Variants in TMEM132D observed in about 807,000 individuals in gnomAD.
TMEM132D encodes mature OL transmembrane protein.
A neutral mutation model predicts 62.3 loss-of-function variants in TMEM132D; 21 were observed. The ratio of observed to expected loss-of-function variants is 0.34; its 90% CI spans 0.24 to 0.49. The LOEUF (loss-of-function observed/expected upper bound fraction) is 0.49, where lower values mean the gene tolerates loss of function less well. Ranked by LOEUF, TMEM132D falls within the 20% of genes least tolerant of loss-of-function variation. The pLI, the probability that TMEM132D is intolerant of heterozygous loss-of-function variation, is 0.99. For missense variants in TMEM132D, 1,346 were observed against 1,402.8 expected (o/e 0.96, Z 0.65); for synonymous variants, 621 against 575.6 (o/e 1.08, Z -1.13).
At chr12:129,315,277 A>C (rs977631212) in intron 4 of TMEM132D, among the ~76,000 whole-genome samples, 3 of 152,002 alleles carry the variant, frequency 2.0e-5, no homozygotes, top group Non-Finnish European at 4.4e-5. Context: ...GTTGGCTGTG[A>C]GTTTGTCATA....
intron 2 of TMEM132D, among the ~76,000 whole-genome samples, chr12:129,623,023 T>C (rs1879115275): frequency 6.6e-6 from 1 of 151,690 alleles, no homozygotes; most frequent in Non-Finnish European, 1.5e-5. Flanking sequence ...GAATAACACA[T>C]AGAGGAAATC....
intron 3 of TMEM132D, among the ~76,000 whole-genome samples, chr12:129,478,379 A>G (rs1333218959): frequency 6.6e-6 from 1 of 152,244 alleles, no homozygotes; most frequent in African/African-American, 2.4e-5. Flanking sequence ...ACTGGGTGAT[A>G]GGAATGTTTT....
chr12:129,563,607 G>C (rs1253325837), intron 2 of TMEM132D, among the ~76,000 whole-genome samples: 1 of 152,036 alleles, frequency 6.6e-6, no homozygotes, highest in African/African-American at 2.4e-5. Flanking sequence ...GTGCATAAAG[G>C]CTCCCTCCAT....
chr12:129,416,694 A>T (rs916395072), intron 3 of TMEM132D, among the ~76,000 whole-genome samples: 1 of 152,068 alleles, frequency 6.6e-6, no homozygotes, highest in Non-Finnish European at 1.5e-5. Flanking sequence ...TGGGTTTTTC[A>T]TAAGTATTTT....
intron 2 of TMEM132D, among the ~76,000 whole-genome samples, chr12:129,663,957 T>A (rs1880309249): frequency 6.6e-6 from 1 of 151,566 alleles, no homozygotes; most frequent in African/African-American, 2.4e-5. Context: ...AAAAACAAAA[T>A]CACTGTTTGG....
intron 3 of TMEM132D, among the ~76,000 whole-genome samples, chr12:129,458,223 C>G (rs763294730): frequency 6.6e-6 from 1 of 152,172 alleles, no homozygotes; most frequent in Non-Finnish European, 1.5e-5. Flanking sequence ...CTCTTCTCTT[C>G]TCTGCTGAGT....
intron 4 of TMEM132D, among the ~76,000 whole-genome samples, chr12:129,324,289 C>A (rs1190893978): frequency 2.6e-5 from 4 of 152,154 alleles, no homozygotes; most frequent in Non-Finnish European, 5.9e-5. Context: ...CCAAGCGAAT[C>A]CAGTCTTAAA....
In TMEM132D at chr12:129,394,105, C is replaced by T. The variant is rs572757014; in HGVS notation, c.1116-56288G>A. On this transcript the variant is annotated intron_variant, in intron 3 of 8. Coordinates refer to ENST00000422113, the MANE Select transcript of TMEM132D (RefSeq NM_133448.3). ...CTTCATTCTCAAAGTGGTTTTGTGG[C>T]ACGGCACGTTTTTCAGCAACAGGCG... Among the ~76,000 whole-genome samples the T allele has an allele frequency of 2.6e-5, 4 of 152,296 alleles. No individual in the cohort carries two copies. In the East Asian group the frequency reaches 7.7e-4, roughly 29 times the overall value.
chr12:129,871,523 T>C (rs887185288), intron 1 of TMEM132D, among the ~76,000 whole-genome samples: 1 of 152,126 alleles, frequency 6.6e-6, no homozygotes, highest in South Asian at 2.1e-4. Context: ...TTCTGTCACT[T>C]GCATCTGAAT....
intron 1 of TMEM132D, among the ~76,000 whole-genome samples, chr12:129,815,912 C>T (rs1395073200): frequency 1.3e-5 from 2 of 152,228 alleles, no homozygotes; most frequent in Non-Finnish European, 2.9e-5. Context: ...AGGCTTAGTT[C>T]TTCATCTGAA....
At chr12:129,398,347 C>T (rs540133327) in intron 3 of TMEM132D, among the ~76,000 whole-genome samples, 19 of 152,162 alleles carry the variant, frequency 1.2e-4, no homozygotes, top group South Asian at 4.1e-4. Flanking sequence ...GCTGCCTAAG[C>T]GCCAGACATC....
chr12:129,451,641 A>G (rs1053416730), intron 3 of TMEM132D, among the ~76,000 whole-genome samples: 1 of 152,232 alleles, frequency 6.6e-6, no homozygotes, highest in African/African-American at 2.4e-5. Flanking sequence ...GTCAAGAACT[A>G]AAAACCTGAC....
intron 6 of TMEM132D, among the ~76,000 whole-genome samples, chr12:129,082,322 GGACCTA>G (rs1166494495): frequency 2.0e-5 from 3 of 152,186 alleles, no homozygotes; most frequent in African/African-American, 7.2e-5. Context: ...AGTGTGGGCT[GGACCTA>G]GTTTCTTTCA....
At chr12:129,775,976 G>GA (rs1160996561) in intron 1 of TMEM132D, among the ~76,000 whole-genome samples, 2 of 151,452 alleles carry the variant, frequency 1.3e-5, no homozygotes, top group Non-Finnish European at 2.9e-5. Context: ...TCAATAGTAA[G>GA]AAAAAAACAT....
intron 1 of TMEM132D, among the ~76,000 whole-genome samples, chr12:129,795,958 T>G (rs1871550036): frequency 6.6e-6 from 1 of 152,192 alleles, no homozygotes; most frequent in East Asian, 1.9e-4. Context: ...TTCCTAAAAT[T>G]CATTAAAATA....
At chr12:129,136,948 A>G (rs1428306318) in intron 5 of TMEM132D, among the ~76,000 whole-genome samples, 5 of 148,256 alleles carry the variant, frequency 3.4e-5, no homozygotes, top group Admixed American at 2.0e-4. Context: ...CATCGCCACC[A>G]TCATCACCAT....
intron 3 of TMEM132D, among the ~76,000 whole-genome samples, chr12:129,446,245 AG>A (rs575670355): frequency 6.4e-4 from 97 of 152,242 alleles, no homozygotes; most frequent in Non-Finnish European, 7.4e-5. Flanking sequence ...GGCACACAGA[AG>A]GGGGCACTGT....
intron 1 of TMEM132D, among the ~76,000 whole-genome samples, chr12:129,893,157 G>C (rs1874985039): frequency 6.6e-6 from 1 of 152,120 alleles, no homozygotes; most frequent in Non-Finnish European, 1.5e-5. Context: ...TTACAGGCAG[G>C]AGCCACCACG....
At chr12:129,480,121 T>C (rs1433570041) in intron 3 of TMEM132D, among the ~76,000 whole-genome samples, 3 of 152,058 alleles carry the variant, frequency 2.0e-5, no homozygotes, top group African/African-American at 4.8e-5. Flanking sequence ...TCCTAGAGAT[T>C]TGAGCAAGCC....
Sources: allele counts gnomAD v4.1 joint callset (sites outside exome capture counted in the v4.1 genomes callset), GRCh38; gene constraint gnomAD v4.1.1; transcripts MANE v1.5; gene names NCBI Gene and HGNC (gene_info 2026-07-23, HGNC 2026-07-21).